The following XDH variants were observed in gnomAD, a reference collection of about 807,000 sequenced individuals.
XDH encodes xanthine dehydrogenase/oxidase.
In XDH, 138 loss-of-function variants were observed where a neutral mutation model predicts 156.1. The ratio of observed to expected loss-of-function variants is 0.88; its 90% confidence interval spans 0.77 to 1.02. The LOEUF (loss-of-function observed/expected upper bound fraction) is 1.02, where lower values mean the gene tolerates loss of function less well. Among genes scored for constraint, XDH ranks in the 50% least tolerant of loss-of-function variants. XDH has a pLI of 0.00. For synonymous variants in XDH, 669 were observed against 625.7 expected, an observed-to-expected ratio of 1.07 and a Z score of -1.03; for missense variants, 1,849 against 1,684.9, an observed-to-expected ratio of 1.10 and a Z score of -1.71.
chr2:31,368,464 CT>C, intron 19 of XDH, 76 bp downstream of exon 19: 1 of 1,586,154 alleles, frequency 6.3e-7, no homozygotes, highest in South Asian at 1.1e-5. Flanking sequence ...CTCAAATCCC[CT>C]CCAGGGGATC....
intron 20 of XDH, 78 bp from the exon 21 acceptor site, chr2:31,367,072 C>G: frequency 5.6e-6 from 9 of 1,610,916 alleles, no homozygotes; most frequent in Non-Finnish European, 7.6e-6. Context: ...AGAGTATACT[C>G]TGCCAAGTGG....
chr2:31,366,674 G>A (rs1254745529), intron 21 of XDH, among the ~76,000 whole-genome samples, 196 bp downstream of exon 21: 1 of 152,214 alleles, frequency 6.6e-6, no homozygotes, highest in Non-Finnish European at 1.5e-5. Context: ...AGAAAACTGA[G>A]GCTGAGAAAG....
rs558892168 is a variant in XDH, at chr2:31,398,687, T to C, written c.319A>G (p.Lys107Glu). 1 of 1,613,926 alleles carries C rather than the reference T, an allele frequency of 6.2e-7. No homozygotes were observed. The highest frequency in any genetic ancestry group is 1.3e-5 in the African/African-American group (1 of 75,036). The part of the protein sequence containing the change: ...RLHPVQERIA[K>E]SHGSQCGFCT... ...AACCCGCACTGGGAGCCGTGGCTTT[T>C]GGCAATTCTCTCCTAAAAGATACAG... The change falls in exon 5 of 36, where the codon AAA becomes GAA. Residue 107 changes from lysine to glutamate, a missense_variant. Physicochemically the swap from Lys to Glu is moderately conservative, Grantham distance 56. Coordinates refer to ENST00000379416, the MANE Select transcript of XDH (RefSeq NM_000379.4).
rs776815171 is a variant in XDH at position 31,350,029 on chromosome 2, T to C, written c.2823+3A>G. 19 of 1,613,764 alleles carry C rather than the reference T, an allele frequency of 1.2e-5. No individual in the cohort carries two copies. The Middle Eastern group carries it at 5.2e-4, about 44-fold the overall frequency. On this transcript the variant is annotated splice_donor_region_variant and intron_variant, in intron 25 of 35. Transcript: ENST00000379416. ...GACTTGTGCTACCAAATTCTCAGCTTACCTCCTCTGCAGGCATCCCACAGG... is the reference window on the plus strand; with the variant it reads ...GACTTGTGCTACCAAATTCTCAGCTCACCTCCTCTGCAGGCATCCCACAGG...
intron 1 of XDH, among the ~76,000 whole-genome samples, chr2:31,408,844 T>C (rs1687262854): frequency 6.6e-6 from 1 of 152,202 alleles, no homozygotes; most frequent in Non-Finnish European, 1.5e-5. Flanking sequence ...CCTATGTTTT[T>C]TGCAGCATTA....
intron 30 of XDH, 47 bp downstream of exon 30, chr2:31,346,722 A>C (rs1481695289): frequency 1.9e-6 from 3 of 1,609,572 alleles, no homozygotes; most frequent in East Asian, 2.2e-5. Flanking sequence ...CCCTGCTGTC[A>C]ATTTCCCTCT....
In XDH at chr2:31,401,206, T is replaced by C; in HGVS notation, c.306+14A>G. On this transcript the variant is annotated intron_variant, in intron 4 of 35. Coordinates refer to ENST00000379416, the MANE Select transcript of XDH (RefSeq NM_000379.4). ...GCCTGATCTCAAGAGCACAGCTCCCTTTCCTCTGTTTACCTGCACAGGATG... is the reference window on the plus strand; with the variant it reads ...GCCTGATCTCAAGAGCACAGCTCCCCTTCCTCTGTTTACCTGCACAGGATG... 3 of 1,613,932 alleles carry C rather than the reference T, an allele frequency of 1.9e-6. No homozygotes were observed. Among genetic ancestry groups the C allele is most frequent in the Non-Finnish European group, 2.5e-6 (3 of 1,179,968 alleles).
intron 1 of XDH, among the ~76,000 whole-genome samples, chr2:31,407,991 T>G (rs1200272019): frequency 1.3e-5 from 2 of 152,156 alleles, no homozygotes; most frequent in Non-Finnish European, 2.9e-5. Context: ...ACCACATTGT[T>G]CATTTCTCCC....
At position 31,414,659 on chromosome 2, in the gene XDH, G is replaced by A; in HGVS notation, c.8C>T (p.Ala3Val). 1 of 1,614,112 alleles carries A rather than the reference G, an allele frequency of 6.2e-7. No homozygotes were observed. Among genetic ancestry groups the A allele is most frequent in the Non-Finnish European group, 8.5e-7 (1 of 1,180,000 alleles). The change falls in exon 1 of 36, where the codon GCA (alanine) becomes GTA (valine). Residue 3 changes from alanine (A) to valine (V), a missense_variant. Transcript: ENST00000379416. ...ATTCACAAAGAAAACCAATTTGTCT[G>A]CTGTCATTGTCACAGGTTGGGGTCC... Reference protein sequence around the residue: MTADKLVFFVNGR... With the variant: MTVDKLVFFVNGR...
At chr2:31,382,137 G>C (rs1422519683) in intron 11 of XDH, among the ~76,000 whole-genome samples, 1 of 152,102 alleles carries the variant, frequency 6.6e-6, no homozygotes, top group South Asian at 2.1e-4. Context: ...GAACTTCCTG[G>C]TAACTTGGCA....
intron 5 of XDH, 82 bp from the exon 6 acceptor site, chr2:31,397,811 T>C: frequency 2.6e-6 from 4 of 1,509,462 alleles, no homozygotes; most frequent in East Asian, 2.3e-5. Flanking sequence ...TGCAACTAAG[T>C]TGGGTGCTCT....
At chr2:31,340,163 C>T (rs1037709878) in intron 33 of XDH, among the ~76,000 whole-genome samples, 3 of 152,248 alleles carry the variant, frequency 2.0e-5, no homozygotes, top group African/African-American at 7.2e-5. Context: ...CAGGCCCACA[C>T]ATCTGCTCTC....
At chr2:31,384,291 G>C in intron 9 of XDH, 1 of 183,582 alleles carries the variant, frequency 5.4e-6, no homozygotes, top group Non-Finnish European at 1.2e-5. Context: ...TGAAGAAGCT[G>C]AGGCACAGAA....
intron 11 of XDH, 47 bp downstream of exon 11, chr2:31,382,954 T>C: frequency 1.2e-6 from 2 of 1,613,322 alleles, no homozygotes; most frequent in South Asian, 1.1e-5. Context: ...TGCTTTCAGA[T>C]GAAAGCTCCA....
intron 15 of XDH, among the ~76,000 whole-genome samples, chr2:31,375,132 T>A (rs1361506441): frequency 6.7e-6 from 1 of 149,730 alleles, no homozygotes; most frequent in Non-Finnish European, 1.5e-5. Flanking sequence ...TTCAAGTGAT[T>A]CTCCTGCCTC....
chr2:31,402,722 C>A (rs1687095270), intron 3 of XDH, among the ~76,000 whole-genome samples: 1 of 152,138 alleles, frequency 6.6e-6, no homozygotes, highest in Non-Finnish European at 1.5e-5. Flanking sequence ...AAACCTGGGG[C>A]ATACTGTGCA....
intron 23 of XDH, among the ~76,000 whole-genome samples, chr2:31,364,617 T>A (rs1685861070): frequency 6.6e-6 from 1 of 151,902 alleles, no homozygotes; most frequent in Non-Finnish European, 1.5e-5. Flanking sequence ...TACCGGACTG[T>A]CTCCTCACAG....
intron 6 of XDH, among the ~76,000 whole-genome samples, chr2:31,388,533 A>G (rs185082634): frequency 1.3e-5 from 2 of 152,314 alleles, no homozygotes; most frequent in South Asian, 2.1e-4. Flanking sequence ...AAGGCCACTG[A>G]ATTTCAGGAA....
Position 31,347,625 on chromosome 2 carries a change from G to A in XDH, c.3173C>T (p.Pro1058Leu). 1 of 1,614,062 alleles carries A rather than the reference G, an allele frequency of 6.2e-7. No homozygotes were observed. The highest frequency in any genetic ancestry group is 1.1e-5 in the South Asian group (1 of 91,072). Reference protein sequence around the residue: ...VQVASRALKIPTSKIYISETS... With the variant: ...VQVASRALKILTSKIYISETS... The stretch of plus-strand genomic sequence containing the variant: ...CTCGCTGATATAAATCTTAGAGGTG[G>A]GGATTTTCAGAGCTCTACTGGCCAC... Residue 1058 changes from proline (P) to leucine (L), a missense_variant, in exon 29 of 36, where the codon CCC becomes CTC. By Grantham distance (98) the Pro-to-Leu change is moderately conservative. Transcript: ENST00000379416.
Sources: allele counts gnomAD v4.1 joint callset (sites outside exome capture counted in the v4.1 genomes callset), GRCh38; gene constraint gnomAD v4.1.1; transcripts MANE v1.5; gene names NCBI Gene and HGNC (gene_info 2026-07-23, HGNC 2026-07-21).